The following SLC24A3 variants were observed in gnomAD, a reference collection of about 807,000 sequenced individuals.
SLC24A3 encodes the protein sodium/potassium/calcium exchanger 3.
In SLC24A3, 28 loss-of-function variants were observed where a neutral mutation model predicts 75.8. The observed-to-expected ratio is 0.37, with a 90% CI of 0.27 to 0.51. SLC24A3 has a LOEUF of 0.51. SLC24A3 is among the 20% of genes least tolerant of loss of function. The pLI is 0.94. For missense variants in SLC24A3, 663 were observed against 847.8 expected (o/e 0.78, Z 2.71); for synonymous variants, 372 against 334.1 (o/e 1.11, Z -1.24).
chr20:19,610,946 G>A (rs2031663168), intron 6 of SLC24A3, among the ~76,000 whole-genome samples: 1 of 152,244 alleles, frequency 6.6e-6, no homozygotes, highest in Non-Finnish European at 1.5e-5. Flanking sequence ...CATGGAAAGG[G>A]CTGGTAAGAT....
At chr20:19,483,382 A>G (rs1306518868) in intron 2 of SLC24A3, among the ~76,000 whole-genome samples, 1 of 152,206 alleles carries the variant, frequency 6.6e-6, no homozygotes, top group Non-Finnish European at 1.5e-5. Context: ...ATGGAAAATA[A>G]ATTTTGACAG....
intron 1 of SLC24A3, among the ~76,000 whole-genome samples, chr20:19,275,655 G>C (rs1983462474): frequency 6.6e-6 from 1 of 152,180 alleles, no homozygotes; most frequent in Non-Finnish European, 1.5e-5. Context: ...GGCGGTAGGG[G>C]AGGAGGAGGG....
At chr20:19,386,631 C>T (rs1173286563) in intron 2 of SLC24A3, among the ~76,000 whole-genome samples, 1 of 152,070 alleles carries the variant, frequency 6.6e-6, no homozygotes, top group Admixed American at 6.5e-5. Context: ...GAAAGGATGC[C>T]AGACTTTGTC....
intron 7 of SLC24A3, among the ~76,000 whole-genome samples, chr20:19,659,335 G>A (rs935519851): frequency 1.3e-5 from 2 of 152,228 alleles, no homozygotes; most frequent in Non-Finnish European, 2.9e-5. Flanking sequence ...AACCCAGGGG[G>A]ATATGAGAGA....
intron 2 of SLC24A3, among the ~76,000 whole-genome samples, chr20:19,294,270 A>C (rs772263912): frequency 2.0e-5 from 3 of 152,182 alleles, no homozygotes; most frequent in Non-Finnish European, 2.9e-5. Flanking sequence ...ATCAATAAAC[A>C]CTTTTTTTCT....
chr20:19,219,468 G>A (rs553113497), intron 1 of SLC24A3, among the ~76,000 whole-genome samples: 3 of 152,170 alleles, frequency 2.0e-5, no homozygotes, highest in East Asian at 1.9e-4. Context: ...GTTCATCCTC[G>A]TGGTGCTCAA....
intron 3 of SLC24A3, among the ~76,000 whole-genome samples, chr20:19,541,303 C>T (rs1328488638): frequency 6.6e-6 from 1 of 152,216 alleles, no homozygotes; most frequent in Non-Finnish European, 1.5e-5. Context: ...TGGAGCTATC[C>T]TAACACTCCT....
At chr20:19,554,102 G>GC (rs1248664018) in intron 3 of SLC24A3, among the ~76,000 whole-genome samples, 1 of 152,202 alleles carries the variant, frequency 6.6e-6, no homozygotes, top group Non-Finnish European at 1.5e-5. Context: ...ATGGTGGCCA[G>GC]CAGGCATGGA....
At chr20:19,404,166 A>G (rs1343966777) in intron 2 of SLC24A3, among the ~76,000 whole-genome samples, 1 of 152,186 alleles carries the variant, frequency 6.6e-6, no homozygotes, top group Non-Finnish European at 1.5e-5. Flanking sequence ...ATTCAGTTTT[A>G]CTCAGCAAAT....
intron 2 of SLC24A3, among the ~76,000 whole-genome samples, chr20:19,383,892 C>T (rs762342870): frequency 8.5e-5 from 13 of 152,140 alleles, no homozygotes; most frequent in Non-Finnish European, 2.9e-5. Flanking sequence ...ACCTCCCAAA[C>T]GCCCATCTCC....
chr20:19,350,836 C>T (rs1217070452), intron 2 of SLC24A3, among the ~76,000 whole-genome samples: 3 of 152,188 alleles, frequency 2.0e-5, no homozygotes, highest in Non-Finnish European at 4.4e-5. Context: ...ACAGACCGTG[C>T]TGTTTCTCAT....
chr20:19,589,640 C>A (rs769483959), intron 6 of SLC24A3, among the ~76,000 whole-genome samples: 5 of 152,174 alleles, frequency 3.3e-5, no homozygotes, highest in Non-Finnish European at 7.3e-5. Context: ...TAGTACTAGG[C>A]AGACTATAAA....
intron 2 of SLC24A3, among the ~76,000 whole-genome samples, chr20:19,419,381 T>C (rs932988917): frequency 2.2e-4 from 33 of 151,764 alleles, no homozygotes; most frequent in African/African-American, 8.0e-4. Context: ...TTTTTTTTTT[T>C]CCTGGGCATT....
chr20:19,556,511 T>C (rs546000156), intron 3 of SLC24A3, among the ~76,000 whole-genome samples: 2 of 151,126 alleles, frequency 1.3e-5, no homozygotes, highest in African/African-American at 2.4e-5. Context: ...ATAATTATGC[T>C]GAATTGAGAA....
intron 2 of SLC24A3, among the ~76,000 whole-genome samples, chr20:19,394,713 A>G (rs1182292580): frequency 6.6e-6 from 1 of 152,184 alleles, no homozygotes; most frequent in African/African-American, 2.4e-5. Flanking sequence ...CAAAACAGAA[A>G]ATAACAACTG....
At chr20:19,290,023 C>T (rs932432290) in intron 2 of SLC24A3, among the ~76,000 whole-genome samples, 6 of 152,102 alleles carry the variant, frequency 3.9e-5, no homozygotes, top group East Asian at 1.9e-4. Flanking sequence ...CCCTTTTAAG[C>T]GCTCTCAGAT....
intron 2 of SLC24A3, among the ~76,000 whole-genome samples, chr20:19,475,042 T>C (rs1321857165): frequency 1.3e-5 from 2 of 152,028 alleles, no homozygotes; most frequent in Non-Finnish European, 2.9e-5. Context: ...ACACGCCCCA[T>C]AAAAATCACA....
At chr20:19,366,696 G>A (rs980522) in intron 2 of SLC24A3, among the ~76,000 whole-genome samples, 76,640 of 152,000 alleles carry the variant, frequency 0.5, 20,087 homozygotes, top group African/African-American at 0.64. Flanking sequence ...AATCAAGTTT[G>A]CTTTATTAAA....
Position 19,693,419 on chromosome 20 carries a change from G to C in SLC24A3, c.1485G>C (p.Val495=), listed in dbSNP as rs553510693. ...LWIAAFSYMM[V]WMVTIIGYTL... is the part of the protein sequence containing the mutation. ...TCGCAGCCTTCTCCTACATGATGGT[G>C]TGGATGGTGAGTGCAATCGGGACCC... The change falls in exon 13 of 17, where the codon GTG becomes GTC. Residue 495 remains valine (V), a synonymous_variant. Coordinates refer to ENST00000328041, the MANE Select transcript of SLC24A3 (RefSeq NM_020689.4). The C allele has an allele frequency of 3.1e-6, 5 of 1,613,986 alleles. No homozygotes were observed. In the East Asian group the frequency reaches 8.9e-5, roughly 29 times the overall value.
Sources: allele counts gnomAD v4.1 joint callset (sites outside exome capture counted in the v4.1 genomes callset), GRCh38; gene constraint gnomAD v4.1.1; transcripts MANE v1.5; gene names NCBI Gene and HGNC (gene_info 2026-07-23, HGNC 2026-07-21).